Variants in PKNOX1 observed in about 807,000 individuals in gnomAD.
PKNOX1 encodes homeobox protein PKNOX1.
In PKNOX1, 15 loss-of-function variants were observed where a neutral mutation model predicts 51.9. The observed-to-expected ratio is 0.29, with a 90% CI of 0.19 to 0.45. The LOEUF is 0.45. PKNOX1 is among the 20% of genes least tolerant of loss of function. PKNOX1 has a pLI of 1.00. For synonymous variants in PKNOX1, 219 were observed against 211.1 expected (o/e 1.04, Z -0.32); for missense variants, 462 against 547.5 (o/e 0.84, Z 1.56).
intron 1 of PKNOX1, among the ~76,000 whole-genome samples, chr21:43,002,512 AG>A (rs1431999467): frequency 2.0e-5 from 3 of 148,128 alleles, no homozygotes; most frequent in Non-Finnish European, 3.0e-5. Context: ...GACGCTGTTG[AG>A]GGTGAGTCCC....
intron 1 of PKNOX1, among the ~76,000 whole-genome samples, chr21:42,987,060 CAGAG>C (rs1172456217): frequency 6.6e-6 from 1 of 151,926 alleles, no homozygotes; most frequent in Non-Finnish European, 1.5e-5. Context: ...TAAACTGAGT[CAGAG>C]AGCACATTTT....
intron 9 of PKNOX1, among the ~76,000 whole-genome samples, chr21:43,028,183 T>G (rs1980064887): frequency 6.6e-6 from 1 of 152,208 alleles, no homozygotes; most frequent in South Asian, 2.1e-4. Context: ...GATCGTGCTT[T>G]GTGGTGAAAC....
intron 3 of PKNOX1, among the ~76,000 whole-genome samples, chr21:43,008,039 G>A (rs900387814): frequency 1.6e-4 from 21 of 135,188 alleles, no homozygotes; most frequent in Admixed American, 1.5e-4. Context: ...ACTCCAGCCT[G>A]GGCAACGAGA....
chr21:43,025,961 G>A (rs1239385774), intron 9 of PKNOX1, among the ~76,000 whole-genome samples: 2 of 152,142 alleles, frequency 1.3e-5, no homozygotes, highest in African/African-American at 4.8e-5. Flanking sequence ...GTTATTTCCT[G>A]TTAAATCTTT....
Position 43,028,956 on chromosome 21 carries a change from C to T in PKNOX1, c.1099+82C>T, listed in dbSNP as rs1414905386. On this transcript the variant is annotated intron_variant, in intron 10 of 10. Coordinates refer to ENST00000291547, the MANE Select transcript of PKNOX1 (RefSeq NM_004571.5). ...AAGAGGCCTGGATCAGGCCTGTTAG[C>T]TGTGAGCCTCAGGTAATGTGGTGAA... The T allele has an allele frequency of 4.3e-6, 6 of 1,388,432 alleles. No individual in the cohort carries two copies. The South Asian group carries it at 4.6e-5, about 11-fold the overall frequency. 86.0% of individuals were successfully genotyped at this position (1,388,432 alleles called of 1,614,324 possible).
chr21:42,992,222 G>A (rs2059091381), intron 1 of PKNOX1, among the ~76,000 whole-genome samples: 1 of 152,232 alleles, frequency 6.6e-6, no homozygotes, highest in Non-Finnish European at 1.5e-5. Flanking sequence ...TGTACAGATT[G>A]TTGACAAGTG....
In PKNOX1 at chr21:43,010,132, G is replaced by A; in HGVS notation, c.259G>A (p.Ala87Thr). 6.2e-7 allele frequency: 1 copy of A among 1,606,594 alleles called. No homozygotes were observed. The highest frequency in any genetic ancestry group is 1.7e-4 in the Middle Eastern group (1 of 6,052). ...ACAGGGCTCTGAAGGCACAACTTCT[G>A]CCAGTTTTGATGTAGACATCGAAAA... The part of the protein sequence containing the change: ...STQGSEGTTS[A>T]SFDVDIENFV... The change falls in exon 4 of 11, where the codon GCC (alanine) becomes ACC (threonine). Residue 87 changes from alanine to threonine, a missense_variant. By Grantham distance (58) the Ala-to-Thr change is moderately conservative. Coordinates refer to ENST00000291547, the MANE Select transcript of PKNOX1 (RefSeq NM_004571.5).
chr21:43,004,650 G>T (rs1486024578), intron 2 of PKNOX1, among the ~76,000 whole-genome samples: 1 of 152,150 alleles, frequency 6.6e-6, no homozygotes. Context: ...ACTTCCCTAA[G>T]TCATATGACA....
At chr21:43,000,481 A>G (rs1284439748) in intron 1 of PKNOX1, among the ~76,000 whole-genome samples, 1 of 152,172 alleles carries the variant, frequency 6.6e-6, no homozygotes, top group African/African-American at 2.4e-5. Context: ...AAACCATCAG[A>G]TCTCATGTGA....
chr21:43,008,105 T>C (rs1294591531), intron 3 of PKNOX1, among the ~76,000 whole-genome samples: 1 of 137,736 alleles, frequency 7.3e-6, no homozygotes, highest in Non-Finnish European at 1.5e-5. Flanking sequence ...ACAAAGATGT[T>C]ATTTCTAATA....
Position 43,031,959 on chromosome 21 carries a change from T to A in PKNOX1, c.*1858T>A. 3.2e-6 allele frequency: 1 copy of A among 315,928 alleles called. No individual in the cohort carries two copies. The highest frequency in any genetic ancestry group is 3.9e-5 in the Admixed American group (1 of 25,480). The allele number at this position is 315,928 out of a possible 1,614,324, so 19.6% of individuals were successfully genotyped here. On this transcript the variant is annotated 3_prime_UTR_variant, in exon 11 of 11. Transcript: ENST00000291547. The stretch of plus-strand genomic sequence containing the variant: ...TCACTGCAACCTCCACCTCTTATGT[T>A]CAAGCAATTCTCCTTCCTTAGCCTC...
chr21:42,975,026 A>G (rs1213071924), intron 1 of PKNOX1, among the ~76,000 whole-genome samples: 12 of 125,620 alleles, frequency 9.6e-5, no homozygotes, highest in South Asian at 7.8e-4. Context: ...TCCCTTTCGG[A>G]GTGCGGCGCG....
rs764476507 is a variant in PKNOX1, at chr21:43,007,626, C to T, written c.179+8C>T. ...CAAGCAGGCCATTTATAGGTAGTGCCCGGGGTGCCGGCTGTGGGGGCCTCA... is the reference window on the plus strand; with the variant it reads ...CAAGCAGGCCATTTATAGGTAGTGCTCGGGGTGCCGGCTGTGGGGGCCTCA... On this transcript the variant is annotated splice_region_variant and intron_variant, in intron 3 of 10. Coordinates refer to ENST00000291547, the MANE Select transcript of PKNOX1 (RefSeq NM_004571.5). The T allele has an allele frequency of 6.2e-7, 1 of 1,614,020 alleles. No homozygotes were observed. Among genetic ancestry groups the T allele is most frequent in the Non-Finnish European group, 8.5e-7 (1 of 1,179,954 alleles).
At chr21:42,993,659 G>GT (rs1396808385) in intron 1 of PKNOX1, among the ~76,000 whole-genome samples, 779 of 12,558 alleles carry the variant, frequency 0.062, 10 homozygotes, top group African/African-American at 0.15. Flanking sequence ...TGTTTTTTTT[G>GT]TTTTTTTTTT....
intron 6 of PKNOX1, 189 bp from the exon 7 acceptor site, chr21:43,017,944 T>C: frequency 7.3e-6 from 4 of 544,520 alleles, no homozygotes; most frequent in Non-Finnish European, 1.3e-5. Flanking sequence ...TCGCAGTGCC[T>C]CACATCTGTA....
chr21:42,984,974 C>CTTTTTTTTTTTTTTTTTT (rs71195904), intron 1 of PKNOX1, among the ~76,000 whole-genome samples: 3 of 58,000 alleles, frequency 5.2e-5, no homozygotes, highest in African/African-American at 2.1e-4. Context: ...ATTTTCTTTT[C>CTTTTTTTTTTTTTTTTTT]TTTTTTTTTT....
At chr21:43,006,041 G>C (rs1978973833) in intron 2 of PKNOX1, among the ~76,000 whole-genome samples, 1 of 151,640 alleles carries the variant, frequency 6.6e-6, no homozygotes, top group Non-Finnish European at 1.5e-5. Flanking sequence ...GAACATTTAG[G>C]TTTCTCTCTT....
chr21:43,024,634 T>TA, intron 8 of PKNOX1: 1 of 486,150 alleles, frequency 2.1e-6, no homozygotes, highest in Non-Finnish European at 3.7e-6. Flanking sequence ...GCTGAACCGT[T>TA]AAACGTGGGG....
chr21:43,024,585 A>G (rs1451408054), intron 8 of PKNOX1: 19 of 371,908 alleles, frequency 5.1e-5, no homozygotes, highest in South Asian at 1.3e-4. Context: ...GCTGGACTGC[A>G]TAGCTGCTCC....
Sources: gnomAD v4.1 joint callset for allele counts (sites outside exome capture counted in the v4.1 genomes callset) on GRCh38, gnomAD v4.1.1 for gene constraint, MANE v1.5 for transcripts, NCBI Gene and HGNC (gene_info 2026-07-23, HGNC 2026-07-21) for gene names.